The following GRID2 variants were observed in gnomAD, a reference collection of about 807,000 sequenced individuals.
GRID2 encodes the protein glutamate ionotropic receptor delta type subunit 2, also known as glutamate receptor ionotropic, delta-2.
In GRID2, 33 loss-of-function variants were observed where a neutral mutation model predicts 114.8. The observed-to-expected ratio is 0.29, with a 90% CI of 0.22 to 0.38. The LOEUF is 0.38. Ranked by LOEUF, GRID2 falls within the 10% of genes least tolerant of loss-of-function variation. The pLI is 1.00. For missense variants in GRID2, 1,184 were observed against 1,257.7 expected (o/e 0.94, Z 0.89); for synonymous variants, 505 against 449.9 (o/e 1.12, Z -1.55).
At chr4:93,336,264 A>G (rs1560512926) in intron 8 of GRID2, among the ~76,000 whole-genome samples, 1 of 152,076 alleles carries the variant, frequency 6.6e-6, no homozygotes. Context: ...TACCATTATT[A>G]TATTCTATAT....
intron 11 of GRID2, among the ~76,000 whole-genome samples, chr4:93,456,959 T>A (rs1723266175): frequency 6.6e-6 from 1 of 152,156 alleles, no homozygotes; most frequent in Non-Finnish European, 1.5e-5. Flanking sequence ...GCTCTAAGCT[T>A]ACCTGTTACT....
chr4:93,455,501 C>T (rs1723094360), intron 10 of GRID2, among the ~76,000 whole-genome samples, 161 bp from the exon 11 acceptor site: 2 of 152,116 alleles, frequency 1.3e-5, no homozygotes, highest in South Asian at 2.1e-4. Flanking sequence ...AAAATTCACA[C>T]ATAGCTCTTC....
At position 92,892,999 on chromosome 4, in the gene GRID2, A is replaced by G. The variant is rs190302678; in HGVS notation, c.245-191996A>G. On this transcript the variant is annotated intron_variant, in intron 2 of 15. Transcript: ENST00000282020. ...AATATGAAAGAAATGCATTCTTTTTATAGCCTGAAAAGACAATATTAATCA... is the reference window on the plus strand; with the variant it reads ...AATATGAAAGAAATGCATTCTTTTTGTAGCCTGAAAAGACAATATTAATCA... Among the ~76,000 whole-genome samples, 6 of 152,364 alleles carry G rather than the reference A, an allele frequency of 3.9e-5. No individual in the cohort carries two copies. In the South Asian group the frequency reaches 8.3e-4, roughly 21 times the overall value.
chr4:93,598,161 G>T (rs941897387), intron 13 of GRID2, among the ~76,000 whole-genome samples: 1 of 152,152 alleles, frequency 6.6e-6, no homozygotes. Flanking sequence ...CTAATAAGAG[G>T]AATGTCAGAT....
intron 2 of GRID2, among the ~76,000 whole-genome samples, chr4:92,653,347 G>A (rs888552830): frequency 6.7e-6 from 1 of 148,968 alleles, no homozygotes; most frequent in African/African-American, 2.5e-5. Flanking sequence ...GTGTGTGTGT[G>A]TTTGTGTGTT....
chr4:92,418,926 T>A (rs2110319386), intron 1 of GRID2, among the ~76,000 whole-genome samples: 1 of 152,178 alleles, frequency 6.6e-6, no homozygotes, highest in East Asian at 1.9e-4. Flanking sequence ...GATGGAAAAA[T>A]TATCTGGTTA....
chr4:93,311,289 A>G (rs909515632), intron 8 of GRID2, among the ~76,000 whole-genome samples: 14 of 152,244 alleles, frequency 9.2e-5, no homozygotes, highest in African/African-American at 3.4e-4. Context: ...CATGGAAACT[A>G]TGTGCAGGAG....
At chr4:93,390,214 G>A (rs1482565107) in intron 8 of GRID2, among the ~76,000 whole-genome samples, 1 of 152,158 alleles carries the variant, frequency 6.6e-6, no homozygotes, top group Non-Finnish European at 1.5e-5. Flanking sequence ...CCTGGGGTTT[G>A]GATGGAGCAT....
At chr4:93,703,737 C>T (rs1373649858) in intron 14 of GRID2, among the ~76,000 whole-genome samples, 1 of 147,814 alleles carries the variant, frequency 6.8e-6, no homozygotes, top group Non-Finnish European at 1.5e-5. Context: ...TGAGTGAGAA[C>T]ATGCAGTGTT....
At chr4:92,708,777 T>G (rs1735072086) in intron 2 of GRID2, among the ~76,000 whole-genome samples, 1 of 152,010 alleles carries the variant, frequency 6.6e-6, no homozygotes. Flanking sequence ...ACGCAAAAAA[T>G]TAGCCAGGCA....
intron 2 of GRID2, among the ~76,000 whole-genome samples, chr4:92,735,972 C>T (rs540256557): frequency 2.4e-4 from 36 of 152,126 alleles, no homozygotes; most frequent in African/African-American, 7.7e-4. Flanking sequence ...GAAAGGTTCA[C>T]GTGGTAGACA....
At chr4:93,093,834 G>GTT (rs1730982295) in intron 3 of GRID2, among the ~76,000 whole-genome samples, 1 of 151,934 alleles carries the variant, frequency 6.6e-6, no homozygotes, top group Admixed American at 6.6e-5. Context: ...CTAATGCCAG[G>GTT]GAAAAGGGGA....
At chr4:92,393,947 C>T (rs2110265701) in intron 1 of GRID2, among the ~76,000 whole-genome samples, 1 of 152,212 alleles carries the variant, frequency 6.6e-6, no homozygotes, top group African/African-American at 2.4e-5. Flanking sequence ...TGGTACTGGT[C>T]ACTGGTTACC....
chr4:93,006,089 A>G (rs1257474702), intron 2 of GRID2, among the ~76,000 whole-genome samples: 1 of 151,736 alleles, frequency 6.6e-6, no homozygotes, highest in African/African-American at 2.4e-5. Flanking sequence ...TCTCACAAAC[A>G]CCTTCCCTTC....
At chr4:92,794,995 G>C (rs889478660) in intron 2 of GRID2, among the ~76,000 whole-genome samples, 8 of 149,802 alleles carry the variant, frequency 5.3e-5, no homozygotes, top group Non-Finnish European at 8.9e-5. Context: ...ATAAGGAAGA[G>C]AAAATATATT....
intron 14 of GRID2, among the ~76,000 whole-genome samples, chr4:93,634,673 C>G (rs1369468): frequency 0.73 from 111,577 of 151,986 alleles, 41,607 homozygotes; most frequent in African/African-American, 0.87. Context: ...TCTGTACAGA[C>G]GAGGATTTGA....
intron 2 of GRID2, among the ~76,000 whole-genome samples, chr4:92,886,843 C>T (rs1380669583): frequency 2.6e-5 from 4 of 152,042 alleles, no homozygotes; most frequent in Non-Finnish European, 5.9e-5. Context: ...GCCAGGATGG[C>T]CTTGAAAACC....
intron 8 of GRID2, among the ~76,000 whole-genome samples, chr4:93,310,445 C>T (rs192147411): frequency 2.4e-3 from 367 of 152,180 alleles, no homozygotes; most frequent in African/African-American, 8.1e-3. Context: ...GCAGGAGAAT[C>T]GCTTGAACCC....
At chr4:93,656,621 C>G (rs7664141) in intron 14 of GRID2, among the ~76,000 whole-genome samples, 69,633 of 149,628 alleles carry the variant, frequency 0.47, 18,065 homozygotes, top group African/African-American at 0.7. Context: ...ACGAGGTCAG[C>G]AGATCGAGAC....
Sources: gnomAD v4.1 joint callset for allele counts (sites outside exome capture counted in the v4.1 genomes callset) on GRCh38, gnomAD v4.1.1 for gene constraint, MANE v1.5 for transcripts, NCBI Gene and HGNC (gene_info 2026-07-23, HGNC 2026-07-21) for gene names.